PDE10A: variants seen among roughly 807,000 people sequenced by gnomAD.
PDE10A encodes the protein cAMP and cAMP-inhibited cGMP 3',5'-cyclic phosphodiesterase 10A.
In PDE10A, 39 loss-of-function variants were observed where a neutral mutation model predicts 97.7. The observed-to-expected ratio is 0.40, with a 90% confidence interval of 0.31 to 0.52. The LOEUF is 0.52. Among genes scored for constraint, PDE10A ranks in the 20% least tolerant of loss-of-function variants. PDE10A has a pLI of 0.56. For missense variants in PDE10A, 731 were observed against 1,047.8 expected (o/e 0.70, Z 4.17); for synonymous variants, 371 against 376.8 (o/e 0.98, Z 0.18).
intron 1 of PDE10A, among the ~76,000 whole-genome samples, chr6:165,563,824 G>A (rs977273214): frequency 2.0e-5 from 3 of 151,866 alleles, no homozygotes; most frequent in African/African-American, 7.3e-5. Context: ...CCAGGAGGTG[G>A]AGGCTGCAGT....
intron 1 of PDE10A, among the ~76,000 whole-genome samples, chr6:165,876,507 CATTCTGACT>C (rs1179527828): frequency 6.6e-6 from 1 of 152,164 alleles, no homozygotes. Context: ...AATGGCTTTT[CATTCTGACT>C]ATTCCCATGT....
At chr6:165,904,905 G>A (rs1411746112) in intron 1 of PDE10A, among the ~76,000 whole-genome samples, 1 of 152,170 alleles carries the variant, frequency 6.6e-6, no homozygotes, top group Non-Finnish European at 1.5e-5. Context: ...TCTACCAAAA[G>A]TAATTTGTCT....
intron 1 of PDE10A, among the ~76,000 whole-genome samples, chr6:165,923,476 G>A (rs1320988357): frequency 1.3e-5 from 2 of 152,154 alleles, no homozygotes; most frequent in Non-Finnish European, 2.9e-5. Context: ...CAATATTTTG[G>A]GACAGGGCCC....
At position 165,650,502 on chromosome 6, in the gene PDE10A, G is replaced by A. The variant is rs542979593; in HGVS notation, c.865+11445C>T. Among the ~76,000 whole-genome samples, 16 of 147,780 alleles carry A rather than the reference G, an allele frequency of 1.1e-4. No homozygotes were observed. In the South Asian group the frequency reaches 3.6e-3, roughly 33 times the overall value. On this transcript the variant is annotated intron_variant, in intron 1 of 21. Coordinates refer to ENST00000539869, the MANE Select transcript of PDE10A (RefSeq NM_001385079.1). ...CTTTCTAACATAAAAATGTATCTGAGTGTGTGTGTATGTTGTTTACACCTT... is the reference window on the plus strand; with the variant it reads ...CTTTCTAACATAAAAATGTATCTGAATGTGTGTGTATGTTGTTTACACCTT...
chr6:165,507,366 G>T (rs1781256261), intron 2 of PDE10A, among the ~76,000 whole-genome samples: 1 of 152,052 alleles, frequency 6.6e-6, no homozygotes, highest in Non-Finnish European at 1.5e-5. Context: ...AAACTTGCCT[G>T]ACTTCCTACT....
chr6:165,853,495 C>G (rs1780628832), intron 1 of PDE10A, among the ~76,000 whole-genome samples: 1 of 152,204 alleles, frequency 6.6e-6, no homozygotes, highest in African/African-American at 2.4e-5. Context: ...ATCTTTATAT[C>G]AGAGTCATTC....
In PDE10A at chr6:165,388,474, CAG is replaced by C; in HGVS notation, c.2455-23_2455-22del. On this transcript the variant is annotated intron_variant, in intron 16 of 21. Transcript: ENST00000539869. This position sits in a 1 kb window ranked among gnomAD's most constrained non-coding sequence, Gnocchi z 4.0. Reference sequence around the variant, plus strand: ...TTGCGCTTTAAAAAATAATATGATGCAGAGATGCTCAAAACACAGAAACACAC... The same window carrying C: ...TTGCGCTTTAAAAAATAATATGATGCAGATGCTCAAAACACAGAAACACAC... 1.2e-6 allele frequency: 2 copies of C among 1,611,374 alleles called. No homozygotes were observed. The highest frequency in any genetic ancestry group is 1.7e-6 in the Non-Finnish European group (2 of 1,178,292).
intron 18 of PDE10A, among the ~76,000 whole-genome samples, chr6:165,375,115 C>T (rs1016499812): frequency 1.3e-5 from 2 of 152,036 alleles, no homozygotes; most frequent in African/African-American, 4.8e-5. Context: ...TAAAATTAGG[C>T]CAATTAATAA....
rs1583096459 is a variant in PDE10A at position 165,792,102 on chromosome 6, A to T, written c.-615+195427T>A. 3.3e-5 allele frequency among the ~76,000 whole-genome samples: 5 copies of T among 152,222 alleles called. No homozygotes were observed. In the East Asian group the frequency reaches 7.7e-4, roughly 24 times the overall value. ...TTGTGGTTCTTCAGTGTCTGGAAGG[A>T]GGCACCCTCAGTCATGCACCCGCAT... On this transcript the variant is annotated intron_variant, in intron 1 of 19. Transcript: ENST00000366882.
chr6:165,384,307 G>A (rs1251470725), intron 17 of PDE10A, among the ~76,000 whole-genome samples: 1 of 151,870 alleles, frequency 6.6e-6, no homozygotes, highest in Non-Finnish European at 1.5e-5. Context: ...ATTTACTAGA[G>A]ACTCAAGGGA....
At chr6:165,620,608 G>A (rs1388159368) in intron 1 of PDE10A, among the ~76,000 whole-genome samples, 6 of 152,164 alleles carry the variant, frequency 3.9e-5, no homozygotes, top group Admixed American at 3.9e-4. Flanking sequence ...GGTGGCCAAA[G>A]GCAGAGGAAG....
At chr6:165,368,273 GGT>G (rs1489792668) in intron 18 of PDE10A, among the ~76,000 whole-genome samples, 1 of 152,172 alleles carries the variant, frequency 6.6e-6, no homozygotes, top group Non-Finnish European at 1.5e-5. Flanking sequence ...TGGGATTAAA[GGT>G]GTGAGTCACC....
intron 1 of PDE10A, among the ~76,000 whole-genome samples, chr6:165,888,675 G>A (rs1355420045): frequency 6.6e-6 from 1 of 152,182 alleles, no homozygotes; most frequent in African/African-American, 2.4e-5. Flanking sequence ...TGTTTTCCAA[G>A]TGCCTTGAAC....
chr6:165,787,794 T>C (rs1778535275), intron 1 of PDE10A, among the ~76,000 whole-genome samples: 1 of 152,220 alleles, frequency 6.6e-6, no homozygotes, highest in Non-Finnish European at 1.5e-5. Context: ...TAGTTTACCA[T>C]CCACTCCACT....
chr6:165,870,056 A>C (rs1381020012), intron 1 of PDE10A, among the ~76,000 whole-genome samples: 1 of 152,232 alleles, frequency 6.6e-6, no homozygotes, highest in Non-Finnish European at 1.5e-5. Flanking sequence ...TTTATGACAA[A>C]GACTTCAAAA....
intron 1 of PDE10A, among the ~76,000 whole-genome samples, chr6:165,625,736 G>GCA (rs1788354812): frequency 6.6e-6 from 1 of 152,156 alleles, no homozygotes; most frequent in Non-Finnish European, 1.5e-5. Flanking sequence ...CATGTAAGAA[G>GCA]TGCCTTTCAC....
intron 1 of PDE10A, among the ~76,000 whole-genome samples, chr6:165,568,369 A>G (rs1398788936): frequency 6.6e-6 from 1 of 152,156 alleles, no homozygotes; most frequent in Non-Finnish European, 1.5e-5. Context: ...CTGCAGTTTC[A>G]GTTAATCACA....
chr6:165,679,010 T>C (rs1173268037), intron 1 of PDE10A, among the ~76,000 whole-genome samples: 2 of 152,228 alleles, frequency 1.3e-5, no homozygotes, highest in Non-Finnish European at 2.9e-5. Flanking sequence ...ATTTAATTCA[T>C]GTGGAGGTTC....
At chr6:165,559,638 G>A (rs944014182) in intron 1 of PDE10A, among the ~76,000 whole-genome samples, 3 of 152,090 alleles carry the variant, frequency 2.0e-5, no homozygotes, top group Admixed American at 6.5e-5. Context: ...TTTTGTGGTA[G>A]GCAGAATTTG....
Sources: allele counts gnomAD v4.1 joint callset (sites outside exome capture counted in the v4.1 genomes callset), GRCh38; gene constraint gnomAD v4.1.1; non-coding constraint Gnocchi (gnomAD v3.1); transcripts MANE v1.5; gene names NCBI Gene and HGNC (gene_info 2026-07-23, HGNC 2026-07-21).